The following CIBAR1 variants were observed in gnomAD, a reference collection of about 807,000 sequenced individuals.
The protein encoded by CIBAR1 is CBY1-interacting BAR domain-containing protein 1.
A neutral mutation model predicts 44.0 loss-of-function variants in CIBAR1; 25 were observed. The ratio of observed to expected loss-of-function variants is 0.57; its 90% confidence interval spans 0.41 to 0.79. CIBAR1 has a LOEUF of 0.79. Among genes scored for constraint, CIBAR1 ranks in the 30% least tolerant of loss-of-function variants. The pLI is 0.00. For synonymous variants in CIBAR1, 115 were observed against 119.0 expected, an observed-to-expected ratio of 0.97 and a Z score of 0.22; for missense variants, 278 against 344.8, an observed-to-expected ratio of 0.81 and a Z score of 1.53.
chr8:93,701,874 A>G (rs566175329), intron 2 of CIBAR1: 9 of 220,872 alleles, frequency 4.1e-5, no homozygotes, highest in African/African-American at 2.1e-4. Context: ...TAAATGGGTA[A>G]GACATCATTG....
At chr8:93,706,604 G>A (rs1272976142) in intron 4 of CIBAR1, among the ~76,000 whole-genome samples, 1 of 152,170 alleles carries the variant, frequency 6.6e-6, no homozygotes, top group Non-Finnish European at 1.5e-5. Context: ...CTATTCCTAA[G>A]ACAAACATTT....
chr8:93,727,285 C>A, intron 8 of CIBAR1: 1 of 982,760 alleles, frequency 1.0e-6, no homozygotes. Context: ...TTTGATTCTC[C>A]TGTAAGCATT....
Position 93,721,589 on chromosome 8 carries a change from C to T in CIBAR1, c.657+2801C>T, listed in dbSNP as rs578111915. 4.6e-5 allele frequency among the ~76,000 whole-genome samples: 7 copies of T among 152,222 alleles called. No homozygotes were observed. The East Asian group carries it at 9.6e-4, about 21-fold the overall frequency. On this transcript the variant is annotated intron_variant, in intron 7 of 8. Transcript: ENST00000518322. ...GTAATACTGAGCAAGTTAACTTCTT[C>T]GCTCTTCAGCTTCCTCCTTTCTAAA... is the stretch of plus-strand genomic sequence containing the variant.
chr8:93,702,203 G>A, intron 2 of CIBAR1: 1 of 410,672 alleles, frequency 2.4e-6, no homozygotes, highest in Admixed American at 2.8e-5. Flanking sequence ...AAAACAGAAT[G>A]AGTATAAAAA....
At chr8:93,715,659 T>C (rs1430702498) in intron 6 of CIBAR1, 3 of 152,180 alleles carry the variant, frequency 2.0e-5, no homozygotes, top group Non-Finnish European at 2.9e-5. Flanking sequence ...CTAACAGTTA[T>C]ACATCAATGG....
At chr8:93,708,052 T>G in intron 5 of CIBAR1, 36 bp downstream of exon 5, 2 of 1,515,894 alleles carry the variant, frequency 1.3e-6, no homozygotes, top group Non-Finnish European at 1.8e-6. Flanking sequence ...AAATGGATCC[T>G]TATAGTAAAC....
intron 7 of CIBAR1, among the ~76,000 whole-genome samples, chr8:93,722,465 G>A (rs1586288745): frequency 1.3e-5 from 2 of 152,158 alleles, no homozygotes; most frequent in East Asian, 1.9e-4. Context: ...TTGGGAGGCC[G>A]AGGCAGGCGG....
intron 1 of CIBAR1, chr8:93,700,908 C>T (rs975532220): frequency 3.8e-6 from 5 of 1,332,206 alleles, no homozygotes; most frequent in Non-Finnish European, 4.8e-6. Flanking sequence ...TCTCGGGTCC[C>T]CACACTGCCG....
rs1375951248 is a variant in CIBAR1 at position 93,730,041 on chromosome 8, C to CT, written c.*1747dup. 1 of 152,174 alleles carries CT rather than the reference C, an allele frequency of 6.6e-6. No homozygotes were observed. Among genetic ancestry groups the CT allele is most frequent in the Non-Finnish European group, 1.5e-5 (1 of 68,018 alleles). The allele number at this position is 152,174 out of a possible 1,614,324, so 9.4% of individuals were successfully genotyped here. ...TCTTAAATGCTGCAATGAGCATTTT[C>CT]TTTGAGCATCATGTTGGCACTCAAA... On this transcript the variant is annotated 3_prime_UTR_variant, in exon 9 of 9. Transcript: ENST00000518322.
rs190996299 is a variant in CIBAR1, at chr8:93,706,484, T to C, written c.432+1474T>C. Reference sequence around the variant, plus strand: ...AAAATTTTTTGTTTTGTTTTGTTCTTTGTGGCCTGGAGTTGGGGAGGTGGT... The same window carrying C: ...AAAATTTTTTGTTTTGTTTTGTTCTCTGTGGCCTGGAGTTGGGGAGGTGGT... On this transcript the variant is annotated intron_variant, in intron 4 of 8. Coordinates refer to ENST00000518322, the MANE Select transcript of CIBAR1 (RefSeq NM_145269.5). 4.0e-3 allele frequency among the ~76,000 whole-genome samples: 612 copies of C among 152,288 alleles called. 5 individuals carry two copies. Among genetic ancestry groups the C allele is most frequent in the African/African-American group, 0.014 (572 of 41,552 alleles).
intron 7 of CIBAR1, among the ~76,000 whole-genome samples, chr8:93,723,649 A>G (rs759000544): frequency 5.9e-5 from 9 of 152,122 alleles, no homozygotes; most frequent in Non-Finnish European, 1.0e-4. Flanking sequence ...GAGGAGATGC[A>G]TAGATAAAAC....
intron 7 of CIBAR1, among the ~76,000 whole-genome samples, chr8:93,725,500 A>C (rs776266207): frequency 4.4e-4 from 67 of 152,158 alleles, no homozygotes; most frequent in Non-Finnish European, 8.2e-4. Context: ...TGAAAAGCTC[A>C]ATTGTAGTTT....
chr8:93,726,924 T>C (rs1811537489), intron 8 of CIBAR1, among the ~76,000 whole-genome samples: 1 of 152,212 alleles, frequency 6.6e-6, no homozygotes, highest in Non-Finnish European at 1.5e-5. Context: ...ACAGAAATCA[T>C]TTCATTTTTT....
chr8:93,707,411 A>T (rs532272587), intron 4 of CIBAR1: 1 of 213,104 alleles, frequency 4.7e-6, no homozygotes, highest in South Asian at 6.2e-5. Context: ...TCCCTGATTT[A>T]GCCAACTCTA....
intron 7 of CIBAR1, chr8:93,719,707 A>G (rs1437480199): frequency 1.3e-5 from 2 of 152,206 alleles, no homozygotes; most frequent in African/African-American, 2.4e-5. Flanking sequence ...TGATTGGCCA[A>G]CTAACATTAG....
At chr8:93,718,906 C>T in intron 7 of CIBAR1, 118 bp downstream of exon 7, 1 of 550,530 alleles carries the variant, frequency 1.8e-6, no homozygotes. Context: ...CTCTGTTGCC[C>T]AAGTTGGAGT....
Position 93,731,519 on chromosome 8 carries a change from C to G in CIBAR1, c.*3222C>G, listed in dbSNP as rs1270072054. On this transcript the variant is annotated 3_prime_UTR_variant, in exon 9 of 9. Transcript: ENST00000518322. ...AGGTGCTTTTTCATATCAAATTTAC[C>G]TGTTTATTCATTCCATAGCAAGCAG... The G allele has an allele frequency of 6.6e-6, 1 of 152,088 alleles. No individual in the cohort carries two copies. Among genetic ancestry groups the G allele is most frequent in the African/African-American group, 2.4e-5 (1 of 41,410 alleles). 9.4% of individuals were successfully genotyped at this position (152,088 alleles called of 1,614,324 possible).
At chr8:93,703,503 G>GT (rs1810453550) in intron 2 of CIBAR1, 117 bp from the exon 3 acceptor site, 2 of 598,646 alleles carry the variant, frequency 3.3e-6, no homozygotes. Context: ...CAGCTTAACA[G>GT]TTTTTAATGT....
chr8:93,710,352 T>G (rs1472582720), intron 6 of CIBAR1, among the ~76,000 whole-genome samples: 6 of 146,196 alleles, frequency 4.1e-5, no homozygotes, highest in African/African-American at 1.0e-4. Context: ...AATGTATTGG[T>G]TTTTTTTTTA....
Sources: gnomAD v4.1 joint callset for allele counts (sites outside exome capture counted in the v4.1 genomes callset) on GRCh38, gnomAD v4.1.1 for gene constraint, MANE v1.5 for transcripts, NCBI Gene and HGNC (gene_info 2026-07-23, HGNC 2026-07-21) for gene names.